BTBD1: variants seen among roughly 807,000 people sequenced by gnomAD.
BTBD1 encodes the protein BTB/POZ domain-containing protein 1.
In BTBD1, 34 loss-of-function variants were observed where a neutral mutation model predicts 48.0. The ratio of observed to expected loss-of-function variants is 0.71; its 90% confidence interval spans 0.54 to 0.94. The LOEUF is 0.94. Ranked by LOEUF, BTBD1 falls within the 40% of genes least tolerant of loss-of-function variation. BTBD1 has a pLI of 0.00. For synonymous variants in BTBD1, 261 were observed against 242.1 expected, an observed-to-expected ratio of 1.08 and a Z score of -0.72; for missense variants, 543 against 625.6, an observed-to-expected ratio of 0.87 and a Z score of 1.41.
chr15:83,026,242 AGTT>A (rs1470196235), intron 5 of BTBD1, among the ~76,000 whole-genome samples: 2 of 152,106 alleles, frequency 1.3e-5, no homozygotes, highest in Non-Finnish European at 2.9e-5. Flanking sequence ...TGGTTCTAGT[AGTT>A]TTTTAGCTTG....
rs184671725 is a variant in BTBD1, at chr15:83,018,563, G to A, written c.1290+144C>T. The A allele has an allele frequency of 7.8e-4, 673 of 866,744 alleles. 3 individuals carry two copies. The African/African-American group carries it at 9.3e-3, about 12-fold the overall frequency. 53.7% of individuals were successfully genotyped at this position (866,744 alleles called of 1,614,324 possible). ...GCTGTGGGGAGAAGTACTTCTTTTC[G>A]GAAGGCAGTGGAATATTTTAGCTCC... is the stretch of plus-strand genomic sequence containing the variant. On this transcript the variant is annotated intron_variant, in intron 7 of 7. Coordinates refer to ENST00000261721, the MANE Select transcript of BTBD1 (RefSeq NM_025238.4).
chr15:83,053,656 A>G (rs537986335), intron 2 of BTBD1, among the ~76,000 whole-genome samples: 3 of 152,234 alleles, frequency 2.0e-5, no homozygotes, highest in African/African-American at 7.2e-5. Context: ...AATCTTATGA[A>G]TATCAACTTA....
At chr15:83,020,520 C>A (rs2032273536) in intron 6 of BTBD1, 155 bp downstream of exon 6, 2 of 555,654 alleles carry the variant, frequency 3.6e-6, no homozygotes, top group Non-Finnish European at 6.2e-6. Flanking sequence ...TTTAGATCAA[C>A]TCTAAAACAG....
At chr15:83,051,846 G>C (rs903679158) in intron 2 of BTBD1, among the ~76,000 whole-genome samples, 1 of 99,704 alleles carries the variant, frequency 1.0e-5, no homozygotes, top group Non-Finnish European at 1.9e-5. Context: ...TTAACATTTT[G>C]CCTCATTTAT....
Position 83,020,729 on chromosome 15 carries a change from T to G in BTBD1, c.1089A>C (p.Gly363=). 6.2e-7 allele frequency: 1 copy of G among 1,608,270 alleles called. No homozygotes were observed. Among genetic ancestry groups the G allele is most frequent in the Admixed American group, 1.7e-5 (1 of 59,940 alleles). The change falls in exon 6 of 8, where the codon GGA becomes GGC. Residue 363 remains glycine, a synonymous_variant. Coordinates refer to ENST00000261721, the MANE Select transcript of BTBD1 (RefSeq NM_025238.4). ...FTVNRRISIV[G]FGLYGSIHGP... ...CATGAATAGATCCATACAAGCCAAA[T>G]CCAACTATAGAGATCCTTCTATTAA...
intron 4 of BTBD1, among the ~76,000 whole-genome samples, chr15:83,038,244 T>G (rs1458114421): frequency 2.0e-5 from 3 of 152,176 alleles, no homozygotes; most frequent in Admixed American, 6.5e-5. Flanking sequence ...CCATTTACCA[T>G]GTCCACACAA....
intron 1 of BTBD1, 57 bp downstream of exon 1, chr15:83,066,694 C>T: frequency 1.7e-6 from 2 of 1,183,892 alleles, no homozygotes; most frequent in Non-Finnish European, 1.0e-6. Flanking sequence ...CCGGGGATCT[C>T]CCAGCCCGGC....
chr15:83,059,027 C>A (rs1244774103), intron 1 of BTBD1, among the ~76,000 whole-genome samples: 1 of 152,134 alleles, frequency 6.6e-6, no homozygotes, highest in Non-Finnish European at 1.5e-5. Context: ...TATACTTTTG[C>A]TTTCTATCAA....
At chr15:83,022,344 C>A (rs1423655197) in intron 5 of BTBD1, 1 of 151,818 alleles carries the variant, frequency 6.6e-6, no homozygotes, top group Non-Finnish European at 1.5e-5. Context: ...AGCTACCACT[C>A]CTGGCTCTAA....
chr15:83,048,161 G>A (rs558333583), intron 3 of BTBD1, among the ~76,000 whole-genome samples: 23 of 152,098 alleles, frequency 1.5e-4, no homozygotes, highest in Non-Finnish European at 3.1e-4. Context: ...CTGCATGTGG[G>A]GTATGAGAGA....
intron 2 of BTBD1, among the ~76,000 whole-genome samples, chr15:83,051,943 T>C (rs910550330): frequency 3.5e-5 from 5 of 144,878 alleles, no homozygotes; most frequent in Non-Finnish European, 7.5e-5. Context: ...TGAGAGTAAG[T>C]TGCACACATC....
chr15:83,055,808 TA>T (rs1164989127), intron 2 of BTBD1, among the ~76,000 whole-genome samples: 1 of 152,210 alleles, frequency 6.6e-6, no homozygotes, highest in East Asian at 1.9e-4. Flanking sequence ...CTCTCAATCA[TA>T]AGTAGAAACA....
chr15:83,023,458 C>T (rs779869534), intron 5 of BTBD1, among the ~76,000 whole-genome samples: 29 of 152,222 alleles, frequency 1.9e-4, no homozygotes, highest in Non-Finnish European at 4.0e-4. Context: ...TGGCTCACTG[C>T]AGCCTCAACC....
In BTBD1 at chr15:83,039,994, CACACACACACACACACACACACGG is replaced by C. The variant is rs1382214340; in HGVS notation, c.862+1710_862+1733del. On this transcript the variant is annotated intron_variant, in intron 4 of 7. Transcript: ENST00000261721. ...CTGGGTAGAGAATGTGACACACACA[CACACACACACACACACACACACGG>C]ACACACACACACCACAGAATACTAT... Among the ~76,000 whole-genome samples the C allele has an allele frequency of 4.1e-3, 624 of 151,034 alleles. 7 individuals are homozygous for C. Among genetic ancestry groups the C allele is most frequent in the African/African-American group, 0.015 (607 of 40,960 alleles).
chr15:83,041,418 C>T (rs1233658364), intron 4 of BTBD1, among the ~76,000 whole-genome samples: 2 of 151,680 alleles, frequency 1.3e-5, no homozygotes, highest in Non-Finnish European at 2.9e-5. Flanking sequence ...CTCTGTCGCC[C>T]GGGCTGGAAT....
At position 83,018,693 on chromosome 15, in the gene BTBD1, T is replaced by C; in HGVS notation, c.1290+14A>G. The C allele has an allele frequency of 2.5e-6, 4 of 1,613,182 alleles. No homozygotes were observed. The highest frequency in any genetic ancestry group is 3.4e-6 in the Non-Finnish European group (4 of 1,179,618). ...CAAGAGGAAACCATCTGGAACATAG[T>C]GCATGACTCTTACTTTGAGTGTTGC... On this transcript the variant is annotated intron_variant, in intron 7 of 7. Coordinates refer to ENST00000261721, the MANE Select transcript of BTBD1 (RefSeq NM_025238.4).
At chr15:83,025,230 T>A in intron 5 of BTBD1, among the ~76,000 whole-genome samples, 1 of 151,862 alleles carries the variant, frequency 6.6e-6, no homozygotes, top group East Asian at 1.9e-4. Context: ...GGCAGACGCC[T>A]GTAATCCCAG....
At chr15:83,062,786 G>A (rs1014043686) in intron 1 of BTBD1, among the ~76,000 whole-genome samples, 8 of 152,144 alleles carry the variant, frequency 5.3e-5, no homozygotes, top group Non-Finnish European at 1.0e-4. Flanking sequence ...GAAAGGATGA[G>A]AGCTGAGGAC....
intron 2 of BTBD1, among the ~76,000 whole-genome samples, chr15:83,050,396 C>T (rs1017541868): frequency 6.6e-6 from 1 of 151,476 alleles, no homozygotes; most frequent in Non-Finnish European, 1.5e-5. Context: ...AACAAATTGA[C>T]ATTACCAATA....
Sources: allele counts gnomAD v4.1 joint callset (sites outside exome capture counted in the v4.1 genomes callset), GRCh38; gene constraint gnomAD v4.1.1; transcripts MANE v1.5; gene names NCBI Gene and HGNC (gene_info 2026-07-23, HGNC 2026-07-21).